Variants in WNT3 observed in about 807,000 individuals in gnomAD.
The protein encoded by WNT3 is Wnt family member 3.
A neutral mutation model predicts 34.2 loss-of-function variants in WNT3; 7 were observed. The observed-to-expected ratio is 0.20, with a 90% confidence interval of 0.12 to 0.38. The LOEUF (loss-of-function observed/expected upper bound fraction) is 0.38. Among genes scored for constraint, WNT3 ranks in the 10% least tolerant of loss-of-function variants. WNT3 has a pLI of 1.00. For missense variants in WNT3, 267 were observed against 499.8 expected, an observed-to-expected ratio of 0.53 and a Z score of 4.44; for synonymous variants, 212 against 211.5, an observed-to-expected ratio of 1.00 and a Z score of -0.02.
chr17:46,766,744 A>G (rs1043951196), intron 4 of WNT3, among the ~76,000 whole-genome samples: 1 of 151,886 alleles, frequency 6.6e-6, no homozygotes, highest in African/African-American at 2.4e-5. Context: ...CCTACTCCCT[A>G]TGGCACAGAC....
intron 1 of WNT3, among the ~76,000 whole-genome samples, chr17:46,808,319 A>G (rs1268097287): frequency 6.6e-6 from 1 of 152,214 alleles, no homozygotes; most frequent in African/African-American, 2.4e-5. Flanking sequence ...ATCCCCAAAT[A>G]AGAGACTTCC....
intron 1 of WNT3, among the ~76,000 whole-genome samples, chr17:46,784,925 G>GTCTA (rs1331667655): frequency 1.6e-4 from 24 of 152,024 alleles, no homozygotes; most frequent in Non-Finnish European, 3.2e-4. Context: ...ACAGGCACCC[G>GTCTA]CCACCATGCC....
At chr17:46,773,640 TCC>T in intron 2 of WNT3, 26 bp downstream of exon 2, 4 of 324,776 alleles carry the variant, frequency 1.2e-5, no homozygotes, top group East Asian at 1.0e-4. Flanking sequence ...ACCCAGCCCC[TCC>T]CCCCCCCTCA....
intron 1 of WNT3, among the ~76,000 whole-genome samples, chr17:46,805,496 C>T (rs1044764810): frequency 2.6e-5 from 4 of 152,222 alleles, no homozygotes; most frequent in Middle Eastern, 3.4e-3. Flanking sequence ...TCGCTTGAAC[C>T]GGGGAGGTGG....
At chr17:46,786,941 CTT>C (rs566280448) in intron 1 of WNT3, among the ~76,000 whole-genome samples, 37 of 142,488 alleles carry the variant, frequency 2.6e-4, no homozygotes, top group Non-Finnish European at 2.2e-4. Context: ...TTTCTTTTTT[CTT>C]TTTTTTTTTT....
In WNT3 at chr17:46,768,272, C is replaced by T. The variant is rs755814594; in HGVS notation, c.*8+40G>A. The T allele has an allele frequency of 4.3e-6, 7 of 1,611,504 alleles. No homozygotes were observed. In the East Asian group the frequency reaches 1.6e-4, roughly 36 times the overall value. On this transcript the variant is annotated intron_variant, in intron 4 of 4. Transcript: ENST00000225512. This position sits in a 1 kb window ranked among gnomAD's most constrained non-coding sequence, Gnocchi z 5.0. The stretch of plus-strand genomic sequence containing the variant: ...TGGGCAAACAACCCCATTCCCTGCG[C>T]CCAGGCTCCCAGCCTCCCCCCTGCT...
chr17:46,810,585 G>A (rs1568097321), intron 1 of WNT3, among the ~76,000 whole-genome samples: 1 of 152,176 alleles, frequency 6.6e-6, no homozygotes, highest in Non-Finnish European at 1.5e-5. Flanking sequence ...TTGCAGATGA[G>A]AAAACTGAGG....
intron 1 of WNT3, among the ~76,000 whole-genome samples, chr17:46,800,539 C>A (rs1349658733): frequency 6.6e-6 from 1 of 152,228 alleles, no homozygotes; most frequent in Non-Finnish European, 1.5e-5. Flanking sequence ...GAAGACAAGA[C>A]AGATGCACAT....
intron 1 of WNT3, among the ~76,000 whole-genome samples, chr17:46,794,041 G>A (rs2084020748): frequency 6.6e-6 from 1 of 152,144 alleles, no homozygotes; most frequent in Admixed American, 6.5e-5. Context: ...GTGTCACACG[G>A]TGAAATCTAA....
chr17:46,791,679 C>T (rs1350503976), intron 1 of WNT3, among the ~76,000 whole-genome samples: 3 of 152,240 alleles, frequency 2.0e-5, no homozygotes, highest in African/African-American at 7.2e-5. Context: ...TGTCTGCATT[C>T]TACTTACATT....
At chr17:46,780,464 C>A (rs1328729874) in intron 1 of WNT3, among the ~76,000 whole-genome samples, 3 of 152,260 alleles carry the variant, frequency 2.0e-5, no homozygotes, top group African/African-American at 7.2e-5. Flanking sequence ...TCCAGCAATG[C>A]CACACCTGGT....
intron 1 of WNT3, among the ~76,000 whole-genome samples, chr17:46,816,458 A>T (rs1366278216): frequency 7.3e-6 from 1 of 137,522 alleles, no homozygotes; most frequent in Non-Finnish European, 1.5e-5. Flanking sequence ...TCTTAGGGTC[A>T]TAGACCCAGA....
At chr17:46,805,858 C>CTGTGG (rs1349268337) in intron 1 of WNT3, among the ~76,000 whole-genome samples, 1 of 152,202 alleles carries the variant, frequency 6.6e-6, no homozygotes, top group East Asian at 1.9e-4. Context: ...AACTTCCTGG[C>CTGTGG]TGTGGTGTGG....
intron 1 of WNT3, among the ~76,000 whole-genome samples, chr17:46,777,721 C>A (rs989850639): frequency 1.3e-5 from 2 of 152,220 alleles, no homozygotes; most frequent in Non-Finnish European, 2.9e-5. Flanking sequence ...GCATTGTTAT[C>A]CCCATTTTGC....
At chr17:46,797,635 C>T (rs1034727500) in intron 1 of WNT3, among the ~76,000 whole-genome samples, 1 of 152,222 alleles carries the variant, frequency 6.6e-6, no homozygotes, top group African/African-American at 2.4e-5. Context: ...CCCAAAGTTC[C>T]ACGCCTAGGC....
At position 46,773,161 on chromosome 17, in the gene WNT3, G is replaced by A. The variant is rs115368336; in HGVS notation, c.322+507C>T. Among the ~76,000 whole-genome samples the A allele has an allele frequency of 5.6e-3, 857 of 152,176 alleles. 4 individuals are homozygous for A. Among genetic ancestry groups the A allele is most frequent in the African/African-American group, 0.02 (821 of 41,528 alleles). The stretch of plus-strand genomic sequence containing the variant: ...TACCCAGAGGCCAGTGCACCCTCTA[G>A]CCCCACCATGATTCCTGGGCATATC... On this transcript the variant is annotated intron_variant, in intron 2 of 4. Coordinates refer to ENST00000225512, the MANE Select transcript of WNT3 (RefSeq NM_030753.5).
chr17:46,798,112 A>G (rs1433172688), intron 1 of WNT3, among the ~76,000 whole-genome samples: 1 of 152,184 alleles, frequency 6.6e-6, no homozygotes, highest in Non-Finnish European at 1.5e-5. Flanking sequence ...TATTTTTAGT[A>G]GAGATGGGGC....
chr17:46,769,758 G>A, intron 3 of WNT3, 25 bp downstream of exon 3: 1 of 1,607,164 alleles, frequency 6.2e-7, no homozygotes, highest in Non-Finnish European at 8.5e-7. Context: ...TCCCTGAAGG[G>A]TTTGGGGAGG....
rs1189787330 is a variant in WNT3 at position 46,763,156 on chromosome 17, T to C, written c.*1474A>G. 1 of 152,200 alleles carries C rather than the reference T, an allele frequency of 6.6e-6. No individual in the cohort carries two copies. Among genetic ancestry groups the C allele is most frequent in the Non-Finnish European group, 1.5e-5 (1 of 68,038 alleles). 9.4% of individuals were successfully genotyped at this position (152,200 alleles called of 1,614,324 possible). The stretch of plus-strand genomic sequence containing the variant: ...CCTGGTATTTTAGGTCAGGGTTAGG[T>C]AGACCCCAGAGAGAAGGGGGAGAAA... On this transcript the variant is annotated 3_prime_UTR_variant, in exon 5 of 5. Coordinates refer to ENST00000225512, the MANE Select transcript of WNT3 (RefSeq NM_030753.5).
Sources: gnomAD v4.1 joint callset for allele counts (sites outside exome capture counted in the v4.1 genomes callset) on GRCh38, gnomAD v4.1.1 for gene constraint, Gnocchi (gnomAD v3.1) non-coding constraint, MANE v1.5 for transcripts, NCBI Gene and HGNC (gene_info 2026-07-23, HGNC 2026-07-21) for gene names.